Variants in DHX34 observed in about 807,000 individuals in gnomAD.
DHX34 encodes probable ATP-dependent RNA helicase DHX34.
A neutral mutation model predicts 111.1 loss-of-function variants in DHX34; 96 were observed. That is an observed-to-expected ratio of 0.86 (90% CI 0.73 to 1.02). The LOEUF (loss-of-function observed/expected upper bound fraction) is 1.02. Among genes scored for constraint, DHX34 ranks in the 50% least tolerant of loss-of-function variants. The pLI, the probability that DHX34 is intolerant of heterozygous loss-of-function variation, is 0.00. For missense variants in DHX34, 1,560 were observed against 1,579.9 expected (o/e 0.99, Z 0.21); for synonymous variants, 688 against 670.4 (o/e 1.03, Z -0.41).
At chr19:47,376,647 T>C in intron 12 of DHX34, 87 bp downstream of exon 12, 1 of 1,502,066 alleles carries the variant, frequency 6.7e-7, no homozygotes, top group Non-Finnish European at 8.9e-7. Context: ...TGGCTGGGGC[T>C]CCCACACCGG....
intron 15 of DHX34, 84 bp downstream of exon 15, chr19:47,381,076 C>T (rs1211041187): frequency 1.9e-6 from 3 of 1,551,336 alleles, no homozygotes; most frequent in Non-Finnish European, 2.6e-6. Flanking sequence ...GGACATAGTT[C>T]CCAAGTGGGG....
Position 47,382,064 on chromosome 19 carries a change from TC to T in DHX34, c.3385del (p.Leu1129SerfsTer28), listed in dbSNP as rs1280811785. ...PYHCEACGKDFLFTPTEVLRH... is the reference protein window; with the variant it reads ...PYHCEACGKDXLFTPTEVLRH... Reference sequence around the variant, plus strand: ...CACTGCGAGGCCTGCGGGAAGGACTTCCTCTTTACACCCACAGAGGTGCTGC... The same window carrying T: ...CACTGCGAGGCCTGCGGGAAGGACTTCTCTTTACACCCACAGAGGTGCTGC... On this transcript the variant is annotated frameshift_variant, in exon 17 of 17. Transcript: ENST00000328771. LOFTEE classifies it high-confidence loss of function. 6.2e-7 allele frequency: 1 copy of T among 1,614,014 alleles called. No homozygotes were observed. Among genetic ancestry groups the T allele is most frequent in the African/African-American group, 1.3e-5 (1 of 74,930 alleles).
At chr19:47,356,273 T>A (rs1370321151) in intron 3 of DHX34, among the ~76,000 whole-genome samples, 1 of 152,164 alleles carries the variant, frequency 6.6e-6, no homozygotes, top group African/African-American at 2.4e-5. Flanking sequence ...CAGGAAGAAC[T>A]TCATTGTCTC....
chr19:47,352,523 A>G (rs1200694985), intron 1 of DHX34, among the ~76,000 whole-genome samples: 1 of 152,024 alleles, frequency 6.6e-6, no homozygotes, highest in Non-Finnish European at 1.5e-5. Flanking sequence ...AAACAGTAAA[A>G]AATTAGCTGG....
chr19:47,374,352 G>A (rs1156314491), intron 9 of DHX34, among the ~76,000 whole-genome samples: 2 of 148,200 alleles, frequency 1.3e-5, no homozygotes, highest in African/African-American at 5.0e-5. Context: ...CAGGAGAGTC[G>A]TTTGAACCCA....
In DHX34 at chr19:47,379,701, C is replaced by G. The variant is rs367763903; in HGVS notation, c.2707-9C>G. 6.3e-7 allele frequency: 1 copy of G among 1,587,840 alleles called. No individual in the cohort carries two copies. The highest frequency in any genetic ancestry group is 8.6e-7 in the Non-Finnish European group (1 of 1,159,766). On this transcript the variant is annotated splice_polypyrimidine_tract_variant and intron_variant, in intron 13 of 16. Coordinates refer to ENST00000328771, the MANE Select transcript of DHX34 (RefSeq NM_014681.6). Reference sequence around the variant, plus strand: ...ACCTACTCCCTGTCTTCTGCCCCCTCTCTTTCAGTCCCTCCTGCTTTTTAG... The same window carrying G: ...ACCTACTCCCTGTCTTCTGCCCCCTGTCTTTCAGTCCCTCCTGCTTTTTAG...
rs776424510 is a variant in DHX34 at position 47,377,218 on chromosome 19, C to A, written c.2706+12C>A. The A allele has an allele frequency of 6.2e-7, 1 of 1,605,638 alleles. No homozygotes were observed. The highest frequency in any genetic ancestry group is 1.1e-5 in the South Asian group (1 of 90,242). ...TCCCTGCCCTCCAGGTGGGCCTCTG[C>A]CCCACCCCGCCCCCATGCCCAGATA... On this transcript the variant is annotated intron_variant, in intron 13 of 16. Coordinates refer to ENST00000328771, the MANE Select transcript of DHX34 (RefSeq NM_014681.6).
At chr19:47,363,301 G>C (rs1271746622) in intron 6 of DHX34, among the ~76,000 whole-genome samples, 1 of 151,904 alleles carries the variant, frequency 6.6e-6, no homozygotes. Flanking sequence ...ATGTTGCCCA[G>C]GCTGGTCTCA....
chr19:47,379,530 G>C (rs1374434615), intron 13 of DHX34, 180 bp from the exon 14 acceptor site: 1 of 970,588 alleles, frequency 1.0e-6, no homozygotes, highest in African/African-American at 1.8e-5. Flanking sequence ...CGGCTGCCTT[G>C]TTCATGCCGT....
intron 1 of DHX34, among the ~76,000 whole-genome samples, chr19:47,351,965 C>G (rs1284567687): frequency 1.3e-5 from 2 of 152,206 alleles, no homozygotes; most frequent in South Asian, 2.1e-4. Context: ...ATAACACTTG[C>G]AAAATTTTGC....
intron 7 of DHX34, among the ~76,000 whole-genome samples, chr19:47,368,630 GTA>G (rs1192985532): frequency 2.4e-3 from 311 of 129,630 alleles, no homozygotes; most frequent in African/African-American, 7.5e-3. Context: ...GTGTGTGTGT[GTA>G]TATATATACA....
chr19:47,354,426 G>T (rs1484014387), intron 2 of DHX34, among the ~76,000 whole-genome samples: 10 of 152,152 alleles, frequency 6.6e-5, no homozygotes, highest in Non-Finnish European at 8.8e-5. Context: ...CTCAAGAAAA[G>T]GTTATTGCTA....
chr19:47,352,073 G>GT (rs1362473290), intron 1 of DHX34, among the ~76,000 whole-genome samples: 1 of 152,174 alleles, frequency 6.6e-6, no homozygotes, highest in Non-Finnish European at 1.5e-5. Context: ...TACTGCCTGT[G>GT]GAGACAAGGT....
intron 1 of DHX34, among the ~76,000 whole-genome samples, chr19:47,350,293 CTT>C (rs1969245422): frequency 6.6e-6 from 1 of 152,040 alleles, no homozygotes; most frequent in Non-Finnish European, 1.5e-5. Context: ...ATCCACAGCA[CTT>C]TGGGAGGCTG....
At position 47,362,467 on chromosome 19, in the gene DHX34, C is replaced by T. The variant is rs1272108475; in HGVS notation, c.1376-9C>T. The T allele has an allele frequency of 1.3e-6, 2 of 1,556,380 alleles. No homozygotes were observed. Among genetic ancestry groups the T allele is most frequent in the African/African-American group, 1.4e-5 (1 of 72,834 alleles). On this transcript the variant is annotated splice_polypyrimidine_tract_variant and intron_variant, in intron 5 of 16. Transcript: ENST00000328771. ...ACACAGACTCCCTTTCCTCATTGCT[C>T]CCATCCAGGAAAGGTGAAGGAGATG...
In DHX34 at chr19:47,355,155, G is replaced by T. The variant is rs565281001; in HGVS notation, c.822G>T (p.Glu274Asp). 1.5e-5 allele frequency: 25 copies of T among 1,614,080 alleles called. No homozygotes were observed. In the East Asian group the frequency reaches 5.1e-4, roughly 33 times the overall value. The change falls in exon 3 of 17, where the codon GAG (glutamate) becomes GAT (aspartate). Residue 274 changes from glutamate to aspartate, a missense_variant. Physicochemically the swap from Glu to Asp is conservative, Grantham distance 45 (BLOSUM62 2). Transcript: ENST00000328771. ...GGGAACCCAGCCTGCCCCAGTATGA[G>T]GTCCTGATTGTGGATGAAGTCCATG... ...IQREPSLPQY[E>D]VLIVDEVHER...
Position 47,372,833 on chromosome 19 carries a change from C to T in DHX34, c.1872C>T (p.Ser624=). ...CGCCCTTCACCCGCAGCGCCCAGAG[C>T]AGCCCAGAGTGCGCGGCAGCACGGC... The part of the protein sequence containing the change: ...VQSPFTRSAQ[S]SPECAAARRP... The change falls in exon 8 of 17, where the codon AGC becomes AGT. Residue 624 remains serine (S), a synonymous_variant. Transcript: ENST00000328771. 1.2e-6 allele frequency: 2 copies of T among 1,612,434 alleles called. No individual in the cohort carries two copies. The highest frequency in any genetic ancestry group is 1.3e-5 in the African/African-American group (1 of 75,062).
rs753535383 is a variant in DHX34, at chr19:47,360,066, T to A, written c.1371T>A (p.Asp457Glu). The change falls in exon 5 of 17, where the codon GAT becomes GAA. Residue 457 changes from aspartate (D) to glutamate (E), a missense_variant. Asp to Glu is a conservative substitution (Grantham distance 45). Coordinates refer to ENST00000328771, the MANE Select transcript of DHX34 (RefSeq NM_014681.6). The stretch of plus-strand genomic sequence containing the variant: ...TTGACGGGATCCGCTTCGTAGTAGA[T>A]TCCGGTAAGGACCACCATGAGCCCC... ...VTIDGIRFVV[D>E]SGKVKEMSYD... The A allele has an allele frequency of 6.8e-6, 11 of 1,613,914 alleles. No homozygotes were observed. In the South Asian group the frequency reaches 1.2e-4, roughly 18 times the overall value.
chr19:47,361,501 A>G (rs1969630546), intron 5 of DHX34, among the ~76,000 whole-genome samples: 1 of 150,046 alleles, frequency 6.7e-6, no homozygotes, highest in Admixed American at 6.7e-5. Context: ...AATGTCTGCC[A>G]GGTGCTGTGG....
Sources: allele counts gnomAD v4.1 joint callset (sites outside exome capture counted in the v4.1 genomes callset), GRCh38; gene constraint gnomAD v4.1.1; transcripts MANE v1.5; gene names NCBI Gene and HGNC (gene_info 2026-07-23, HGNC 2026-07-21).